The following RUFY3 variants were observed in gnomAD, a reference collection of about 807,000 sequenced individuals.
RUFY3 encodes the protein RUN and FYVE domain containing 3.
Under a neutral mutation model 84.0 loss-of-function variants are expected in RUFY3, and 34 were observed. The ratio of observed to expected loss-of-function variants is 0.40; its 90% CI spans 0.31 to 0.54. The LOEUF is 0.54. RUFY3 is among the 20% of genes least tolerant of loss of function. The pLI, the probability that RUFY3 is intolerant of heterozygous loss-of-function variation, is 0.39. For missense variants in RUFY3, 507 were observed against 736.8 expected, an observed-to-expected ratio of 0.69 and a Z score of 3.61; for synonymous variants, 242 against 252.9, an observed-to-expected ratio of 0.96 and a Z score of 0.41.
At chr4:70,769,799 CTTTATTTTTGTTTTGTT>C (rs1388140511) in intron 5 of RUFY3, among the ~76,000 whole-genome samples, 93 of 152,078 alleles carry the variant, frequency 6.1e-4, no homozygotes, top group Non-Finnish European at 6.3e-4. Flanking sequence ...TTGTTGTACC[CTTTATTTTTGTTTTGTT>C]TTTGTTTTTG....
intron 1 of RUFY3, among the ~76,000 whole-genome samples, chr4:70,739,674 A>G (rs6815629): frequency 0.092 from 13,975 of 152,136 alleles, 1,379 homozygotes; most frequent in African/African-American, 0.24. Flanking sequence ...AACCATGGAT[A>G]CATAAACAAA....
At chr4:70,787,905 C>T (rs1358775699) in intron 10 of RUFY3, among the ~76,000 whole-genome samples, 1 of 152,066 alleles carries the variant, frequency 6.6e-6, no homozygotes, top group Non-Finnish European at 1.5e-5. Flanking sequence ...TGCAGAAGAT[C>T]CTCAGGTCTT....
At chr4:70,768,873 TG>T (rs1726443069) in intron 5 of RUFY3, among the ~76,000 whole-genome samples, 1 of 152,224 alleles carries the variant, frequency 6.6e-6, no homozygotes. Context: ...ATTCTTGTCT[TG>T]GCTGTACTCT....
rs750688102 is a variant in RUFY3, at chr4:70,762,586, C to A, written c.246C>A (p.Gly82=). 2.5e-6 allele frequency: 4 copies of A among 1,613,966 alleles called. No homozygotes were observed. The highest frequency in any genetic ancestry group is 3.3e-4 in the Middle Eastern group (2 of 6,052). ...LMNMAKLSIK[G]LIESALNLGR... ...ACATGGCCAAGCTGAGTATCAAGGG[C>A]TTGATTGAATCAGCTCTGAACCTGG... Residue 82 remains glycine, a synonymous_variant, in exon 2 of 18, where the codon GGC becomes GGA. Transcript: ENST00000381006.
intron 1 of RUFY3, among the ~76,000 whole-genome samples, chr4:70,750,153 G>A (rs1374212222): frequency 6.6e-6 from 1 of 152,038 alleles, no homozygotes; most frequent in Non-Finnish European, 1.5e-5. Context: ...CTAGGGCTAT[G>A]GGTGCGTACC....
chr4:70,727,073 T>G (rs1289213917), intron 1 of RUFY3, among the ~76,000 whole-genome samples: 1 of 149,496 alleles, frequency 6.7e-6, no homozygotes, highest in Non-Finnish European at 1.5e-5. Flanking sequence ...CGAAGCAATG[T>G]TGGAAGTAAG....
chr4:70,707,943 C>T (rs775731345), intron 1 of RUFY3, among the ~76,000 whole-genome samples: 11 of 152,046 alleles, frequency 7.2e-5, no homozygotes, highest in Non-Finnish European at 1.3e-4. Context: ...AACTTTGATT[C>T]TCTTGACTAC....
intron 1 of RUFY3, among the ~76,000 whole-genome samples, chr4:70,727,258 AT>A (rs145547609): frequency 0.099 from 14,778 of 148,684 alleles, 1,557 homozygotes; most frequent in African/African-American, 0.27. Flanking sequence ...TATTTTTGCG[AT>A]TTTTTTTAAG....
chr4:70,730,572 CAA>C (rs796173421), intron 1 of RUFY3, among the ~76,000 whole-genome samples: 15 of 106,458 alleles, frequency 1.4e-4, no homozygotes, highest in Admixed American at 3.9e-4. Flanking sequence ...ACTAAAAATA[CAA>C]AAAAAAAAAA....
At chr4:70,718,777 G>A (rs1229775363), upstream of RUFY3, among the ~76,000 whole-genome samples, 1 of 151,746 alleles carries the variant, frequency 6.6e-6, no homozygotes, top group Admixed American at 6.6e-5. Context: ...GAGTGCAGTG[G>A]TGCAATCTCA....
chr4:70,704,459 C>A (rs559352046), upstream of RUFY3: 3 of 152,914 alleles, frequency 2.0e-5, no homozygotes, highest in African/African-American at 7.2e-5. Context: ...GGCGGTTACA[C>A]GACAAAACGC....
chr4:70,754,192 A>G, intron 1 of RUFY3, among the ~76,000 whole-genome samples: 1 of 152,106 alleles, frequency 6.6e-6, no homozygotes, highest in East Asian at 1.9e-4. Context: ...AGCTGGGATT[A>G]CAGGTGCCTG....
At chr4:70,761,436 TTTGA>T (rs1402346717) in intron 1 of RUFY3, among the ~76,000 whole-genome samples, 1 of 152,208 alleles carries the variant, frequency 6.6e-6, no homozygotes, top group African/African-American at 2.4e-5. Flanking sequence ...GCTGCAACTA[TTTGA>T]TTGACCTAAA....
intron 15 of RUFY3, 124 bp from the exon 16 acceptor site, chr4:70,802,832 A>G: frequency 3.1e-6 from 2 of 640,830 alleles, no homozygotes; most frequent in South Asian, 4.4e-5. Context: ...TCTAAGTAAT[A>G]TAAAAGACCT....
chr4:70,793,726 G>T, intron 12 of RUFY3, 59 bp from the exon 13 acceptor site: 1 of 1,612,628 alleles, frequency 6.2e-7, no homozygotes, highest in Non-Finnish European at 8.5e-7. Context: ...TGTGAACTTG[G>T]TCTTCTTCCC....
chr4:70,774,644 AATATATATATAT>A (rs1553916772), intron 6 of RUFY3, among the ~76,000 whole-genome samples: 2 of 56,686 alleles, frequency 3.5e-5, no homozygotes, highest in Non-Finnish European at 6.2e-5. Flanking sequence ...AAAAAAAAAA[AATATATATATAT>A]ATATATATAT....
upstream of RUFY3, among the ~76,000 whole-genome samples, chr4:70,718,571 G>T (rs567042219): frequency 2.5e-4 from 38 of 152,194 alleles, no homozygotes; most frequent in South Asian, 4.2e-3. Flanking sequence ...TGAGAAAATA[G>T]TTCAATACAG....
chr4:70,752,111 T>C (rs556210605), intron 1 of RUFY3, among the ~76,000 whole-genome samples: 88 of 152,306 alleles, frequency 5.8e-4, no homozygotes, highest in African/African-American at 2.0e-3. Flanking sequence ...CAGCAAAGTT[T>C]TATAGTTTTC....
intron 1 of RUFY3, among the ~76,000 whole-genome samples, chr4:70,758,763 G>A (rs7686804): frequency 0.056 from 8,451 of 151,908 alleles, 576 homozygotes; most frequent in African/African-American, 0.16. Context: ...TTATTGCCAG[G>A]CGTGGTGGCT....
Sources: allele counts gnomAD v4.1 joint callset (sites outside exome capture counted in the v4.1 genomes callset), GRCh38; gene constraint gnomAD v4.1.1; transcripts MANE v1.5; gene names NCBI Gene and HGNC (gene_info 2026-07-23, HGNC 2026-07-21).